Variants in MEGF9 observed in about 807,000 individuals in gnomAD.
The protein encoded by MEGF9 is multiple epidermal growth factor-like domains protein 9.
A neutral mutation model predicts 46.8 loss-of-function variants in MEGF9; 6 were observed. That is an observed-to-expected ratio of 0.13 (90% CI 0.07 to 0.25). The LOEUF is 0.25. Among genes scored for constraint, MEGF9 ranks in the 10% least tolerant of loss-of-function variants. The pLI is 1.00. For missense variants in MEGF9, 683 were observed against 792.4 expected (o/e 0.86, Z 1.66); for synonymous variants, 302 against 330.7 (o/e 0.91, Z 0.94).
chr9:120,662,722 T>C (rs377136040), intron 1 of MEGF9, among the ~76,000 whole-genome samples: 2 of 152,236 alleles, frequency 1.3e-5, no homozygotes, highest in Non-Finnish European at 2.9e-5. Flanking sequence ...TGGTATCAGA[T>C]AAAATAATAA....
At chr9:120,695,917 G>C (rs528080141) in intron 1 of MEGF9, among the ~76,000 whole-genome samples, 1 of 152,176 alleles carries the variant, frequency 6.6e-6, no homozygotes, top group Non-Finnish European at 1.5e-5. Context: ...GCCAGTCATT[G>C]AGGTTCCAAC....
At chr9:120,666,143 G>C (rs999501015) in intron 1 of MEGF9, among the ~76,000 whole-genome samples, 7 of 152,202 alleles carry the variant, frequency 4.6e-5, no homozygotes, top group African/African-American at 7.2e-5. Flanking sequence ...TATTTTGATA[G>C]GGATTGCATT....
chr9:120,672,433 A>AAAATAAAT (rs145401927), intron 1 of MEGF9, among the ~76,000 whole-genome samples: 2,873 of 144,838 alleles, frequency 0.02, 100 homozygotes, highest in African/African-American at 0.069. Flanking sequence ...TCTCTACAGA[A>AAAATAAAT]AAATAAATAA....
rs1452753596 is a variant in MEGF9 at position 120,600,846 on chromosome 9, A to G, written c.*4344T>C. Reference sequence around the variant, plus strand: ...AAAGATTTTTATGAAGTGGGCTGAAAGTAAATGATCCTTGGCATGTATTTG... The same window carrying G: ...AAAGATTTTTATGAAGTGGGCTGAAGGTAAATGATCCTTGGCATGTATTTG... On this transcript the variant is annotated 3_prime_UTR_variant, in exon 6 of 6. Transcript: ENST00000373930. 6.6e-6 allele frequency: 1 copy of G among 152,632 alleles called. No homozygotes were observed. Among genetic ancestry groups the G allele is most frequent in the Non-Finnish European group, 1.5e-5 (1 of 68,022 alleles). 9.5% of individuals were successfully genotyped at this position (152,632 alleles called of 1,614,324 possible).
At chr9:120,645,204 A>C (rs1206024001) in intron 2 of MEGF9, among the ~76,000 whole-genome samples, 1 of 152,234 alleles carries the variant, frequency 6.6e-6, no homozygotes, top group Non-Finnish European at 1.5e-5. Context: ...TAGTGAAAAG[A>C]TTCTACAAAA....
At chr9:120,613,719 T>C (rs1411844495) in intron 3 of MEGF9, among the ~76,000 whole-genome samples, 2 of 152,188 alleles carry the variant, frequency 1.3e-5, no homozygotes, top group Non-Finnish European at 2.9e-5. Context: ...ATAATTTACA[T>C]TCCTTCCTTA....
chr9:120,653,565 T>C (rs2043663309), intron 2 of MEGF9, among the ~76,000 whole-genome samples: 1 of 152,020 alleles, frequency 6.6e-6, no homozygotes, highest in Admixed American at 6.6e-5. Flanking sequence ...AGAGACAGGG[T>C]TTCACCATGT....
At chr9:120,662,779 T>C (rs1020290269) in intron 1 of MEGF9, among the ~76,000 whole-genome samples, 1 of 152,376 alleles carries the variant, frequency 6.6e-6, no homozygotes, top group East Asian at 1.9e-4. Context: ...CGTTATATCC[T>C]GCGGATAAGA....
intron 2 of MEGF9, among the ~76,000 whole-genome samples, chr9:120,629,677 T>C (rs2043542060): frequency 6.6e-6 from 1 of 152,022 alleles, no homozygotes; most frequent in Non-Finnish European, 1.5e-5. Context: ...CTCACATCTG[T>C]AATCCCAGCA....
chr9:120,613,941 T>C (rs1412313589), intron 3 of MEGF9, among the ~76,000 whole-genome samples: 2 of 152,054 alleles, frequency 1.3e-5, no homozygotes, highest in Non-Finnish European at 2.9e-5. Context: ...TGAAATAAAA[T>C]GGTCTCACAA....
intron 2 of MEGF9, among the ~76,000 whole-genome samples, chr9:120,637,058 T>A (rs113235739): frequency 6.6e-6 from 1 of 152,192 alleles, no homozygotes; most frequent in African/African-American, 2.4e-5. Flanking sequence ...GAAGTAGACA[T>A]AGGAGACTCC....
intron 3 of MEGF9, among the ~76,000 whole-genome samples, chr9:120,613,584 G>T (rs1416271445): frequency 6.6e-6 from 1 of 151,236 alleles, no homozygotes; most frequent in Non-Finnish European, 1.5e-5. Context: ...AATTAATAAA[G>T]AAAAGAAAAA....
intron 2 of MEGF9, among the ~76,000 whole-genome samples, chr9:120,624,928 T>C (rs1168313246): frequency 6.6e-6 from 1 of 151,470 alleles, no homozygotes; most frequent in Non-Finnish European, 1.5e-5. Flanking sequence ...GCTGCACTAC[T>C]AGTGCTTTTG....
At chr9:120,687,145 C>G (rs1272507028) in intron 1 of MEGF9, among the ~76,000 whole-genome samples, 1 of 152,170 alleles carries the variant, frequency 6.6e-6, no homozygotes, top group South Asian at 2.1e-4. Flanking sequence ...ACTCCTAGAA[C>G]AGCCAAATCT....
At chr9:120,689,179 T>C (rs1427300624) in intron 1 of MEGF9, among the ~76,000 whole-genome samples, 1 of 152,186 alleles carries the variant, frequency 6.6e-6, no homozygotes, top group Non-Finnish European at 1.5e-5. Context: ...AACCACCTAA[T>C]TCAGACTTTC....
intron 2 of MEGF9, among the ~76,000 whole-genome samples, chr9:120,647,144 GT>G (rs74313275): frequency 5.0e-4 from 70 of 140,704 alleles, no homozygotes; most frequent in Non-Finnish European, 6.4e-4. Context: ...CTGGAAAAAA[GT>G]TTTTTTTTTT....
intron 1 of MEGF9, among the ~76,000 whole-genome samples, chr9:120,678,475 T>C (rs2132331626): frequency 6.6e-6 from 1 of 152,242 alleles, no homozygotes; most frequent in East Asian, 1.9e-4. Context: ...TGGGGGATTT[T>C]TTTGTTTGTT....
intron 1 of MEGF9, among the ~76,000 whole-genome samples, chr9:120,685,357 T>G (rs2043817482): frequency 6.6e-6 from 1 of 152,220 alleles, no homozygotes; most frequent in Non-Finnish European, 1.5e-5. Context: ...AAGGCACTAT[T>G]AGATGTTAAC....
chr9:120,606,405 G>T (rs1054338687), intron 5 of MEGF9, among the ~76,000 whole-genome samples: 1 of 152,186 alleles, frequency 6.6e-6, no homozygotes, highest in Non-Finnish European at 1.5e-5. Context: ...CAAAGGAGGT[G>T]TAGGGAAAAC....
Sources: gnomAD v4.1 joint callset for allele counts (sites outside exome capture counted in the v4.1 genomes callset) on GRCh38, gnomAD v4.1.1 for gene constraint, MANE v1.5 for transcripts, NCBI Gene and HGNC (gene_info 2026-07-23, HGNC 2026-07-21) for gene names.